Variants in STARD3 observed in about 807,000 individuals in gnomAD.
STARD3 encodes stAR-related lipid transfer protein 3.
STARD3 carries 39 observed loss-of-function variants against 62.0 expected under a neutral mutation model. The ratio of observed to expected loss-of-function variants is 0.63; its 90% CI spans 0.49 to 0.82. The LOEUF is 0.82. Among genes scored for constraint, STARD3 ranks in the 40% least tolerant of loss-of-function variants. The pLI, the probability that STARD3 is intolerant of heterozygous loss-of-function variation, is 0.00. For missense variants in STARD3, 543 were observed against 584.5 expected, an observed-to-expected ratio of 0.93 and a Z score of 0.73; for synonymous variants, 229 against 242.4, an observed-to-expected ratio of 0.94 and a Z score of 0.51.
rs1290345941 is a variant in STARD3, at chr17:39,658,511, A to C, written c.536A>C (p.Glu179Ala). The C allele has an allele frequency of 3.7e-6, 6 of 1,613,774 alleles. No individual in the cohort carries two copies. Among genetic ancestry groups the C allele is most frequent in the African/African-American group, 1.3e-5 (1 of 74,922 alleles). The change falls in exon 6 of 15, where the codon GAA becomes GCA. Residue 179 changes from glutamate to alanine, a missense_variant. Coordinates refer to ENST00000336308, the MANE Select transcript of STARD3 (RefSeq NM_006804.4). Reference sequence around the variant, plus strand: ...TTCAAAGTCCTACCCCAGGAAGCTGAAGAGGAGCGATGTGAGTGCTTGCGG... The same window carrying C: ...TTCAAAGTCCTACCCCAGGAAGCTGCAGAGGAGCGATGTGAGTGCTTGCGG... ...LDFKVLPQEA[E>A]EERWYLAAQV...
At chr17:39,638,674 A>G (rs1227459966) in intron 1 of STARD3, among the ~76,000 whole-genome samples, 2 of 152,244 alleles carry the variant, frequency 1.3e-5, no homozygotes, top group Non-Finnish European at 2.9e-5. Context: ...AGACTCCTGG[A>G]TCAGACTGCC....
At chr17:39,643,850 C>G (rs1189640337) in intron 1 of STARD3, among the ~76,000 whole-genome samples, 3 of 152,212 alleles carry the variant, frequency 2.0e-5, no homozygotes, top group Non-Finnish European at 2.9e-5. Flanking sequence ...CTCTTCTAGG[C>G]CATTGCATTG....
At chr17:39,658,322 G>T (rs2057154781) in intron 5 of STARD3, 83 bp from the exon 6 acceptor site, 1 of 1,302,888 alleles carries the variant, frequency 7.7e-7, no homozygotes, top group Non-Finnish European at 1.1e-6. Context: ...TGCCAGTTTG[G>T]CTGGCTAGAG....
rs147780109 is a variant in STARD3, at chr17:39,645,936, G to A, written c.-51-7545G>A. Among the ~76,000 whole-genome samples the A allele has an allele frequency of 4.2e-3, 458 of 109,964 alleles. 1 individual carries two copies. The highest frequency in any genetic ancestry group is 0.022 in the Middle Eastern group (2 of 90). 72.1% of individuals were successfully genotyped at this position (109,964 alleles called of 152,430 possible). ...AGATGGAGTCTCACTCTGTCACCCA[G>A]ACTGGAATGCAGTGGCGGGATCTTG... On this transcript the variant is annotated intron_variant, in intron 1 of 14. Coordinates refer to ENST00000336308, the MANE Select transcript of STARD3 (RefSeq NM_006804.4).
At chr17:39,657,655 C>T in intron 3 of STARD3, 120 bp from the exon 4 acceptor site, 3 of 1,011,530 alleles carry the variant, frequency 3.0e-6, no homozygotes, top group Non-Finnish European at 4.7e-6. Flanking sequence ...AGTCGTTGTC[C>T]CCTGAGGTGT....
At chr17:39,653,792 C>T in intron 2 of STARD3, 42 bp downstream of exon 2, 3 of 1,608,716 alleles carry the variant, frequency 1.9e-6, no homozygotes. Flanking sequence ...TGTTGCAGGC[C>T]ACCCGGGCCT....
intron 13 of STARD3, 87 bp downstream of exon 13, chr17:39,661,172 C>A: frequency 8.2e-7 from 1 of 1,223,964 alleles, no homozygotes; most frequent in Non-Finnish European, 1.2e-6. Flanking sequence ...TACAGCTGGG[C>A]ACTTCCCCTG....
chr17:39,648,097 A>G (rs1340889861), intron 1 of STARD3, among the ~76,000 whole-genome samples: 2 of 151,814 alleles, frequency 1.3e-5, no homozygotes, highest in Non-Finnish European at 2.9e-5. Context: ...CATCCTAGCT[A>G]ATACGGTGAA....
At chr17:39,656,815 T>G in intron 2 of STARD3, 193 bp from the exon 3 acceptor site, 1 of 587,134 alleles carries the variant, frequency 1.7e-6, no homozygotes, top group Non-Finnish European at 3.0e-6. Context: ...AGAGGACTGG[T>G]ATTGGTGCCT....
chr17:39,661,152 G>A (rs2145044904), intron 13 of STARD3, 67 bp downstream of exon 13: 1 of 1,390,922 alleles, frequency 7.2e-7, no homozygotes, highest in Non-Finnish European at 1.0e-6. Flanking sequence ...GCAGTGCAGG[G>A]TACAGCATGT....
At position 39,657,091 on chromosome 17, in the gene STARD3, T is replaced by C; in HGVS notation, c.297+6T>C. The C allele has an allele frequency of 6.2e-7, 1 of 1,613,854 alleles. No homozygotes were observed. Among genetic ancestry groups the C allele is most frequent in the Non-Finnish European group, 8.5e-7 (1 of 1,179,930 alleles). ...CTTCCTTCTTCGACATCTTTGTGAG[T>C]GGCCTTGGCTGATCCTGGGGACCCC... On this transcript the variant is annotated splice_donor_region_variant and intron_variant, in intron 3 of 14. Coordinates refer to ENST00000336308, the MANE Select transcript of STARD3 (RefSeq NM_006804.4).
At chr17:39,646,181 G>A (rs774631932) in intron 1 of STARD3, among the ~76,000 whole-genome samples, 3 of 152,016 alleles carry the variant, frequency 2.0e-5, no homozygotes, top group East Asian at 1.9e-4. Flanking sequence ...GTGAGCCACC[G>A]TGTCTGGCTT....
chr17:39,638,543 C>T (rs2056955558), intron 1 of STARD3, among the ~76,000 whole-genome samples: 1 of 152,198 alleles, frequency 6.6e-6, no homozygotes, highest in African/African-American at 2.4e-5. Flanking sequence ...CTCTTGTCTG[C>T]TGGGCTACCT....
In STARD3 at chr17:39,658,542, G is replaced by A; in HGVS notation, c.547+20G>A. On this transcript the variant is annotated intron_variant, in intron 6 of 14. Transcript: ENST00000336308. ...AGCGATGTGAGTGCTTGCGGGTAGGGGGGTGCAGCGAGGGTTACCCACAGC... is the reference window on the plus strand; with the variant it reads ...AGCGATGTGAGTGCTTGCGGGTAGGAGGGTGCAGCGAGGGTTACCCACAGC... The A allele has an allele frequency of 6.2e-7, 1 of 1,609,650 alleles. No individual in the cohort carries two copies. The highest frequency in any genetic ancestry group is 8.5e-7 in the Non-Finnish European group (1 of 1,176,856).
chr17:39,648,099 T>C (rs12103674), intron 1 of STARD3, among the ~76,000 whole-genome samples: 19,827 of 151,680 alleles, frequency 0.13, 2,062 homozygotes, highest in African/African-American at 0.29. Context: ...TCCTAGCTAA[T>C]ACGGTGAAAC....
In STARD3 at chr17:39,653,614, A is replaced by C; in HGVS notation, c.83A>C (p.His28Pro). ...GCCTCCCTGGGCTCCTCACTGTCCC[A>C]CAGCCAGAGCCTCTCCTCGCACCTC... ...AVASLGSSLS[H>P]SQSLSSHLLP... Residue 28 changes from histidine to proline, a missense_variant, in exon 2 of 15, where the codon CAC becomes CCC. Transcript: ENST00000336308. The C allele has an allele frequency of 6.2e-7, 1 of 1,613,230 alleles. No individual in the cohort carries two copies. The highest frequency in any genetic ancestry group is 8.5e-7 in the Non-Finnish European group (1 of 1,180,022).
intron 13 of STARD3, 156 bp downstream of exon 13, chr17:39,661,241 CTGCTAATCT>C: frequency 1.5e-6 from 1 of 657,202 alleles, no homozygotes; most frequent in Non-Finnish European, 2.6e-6. Context: ...GCTACTAATC[CTGCTAATCT>C]TGCTGCTCTG....
intron 1 of STARD3, among the ~76,000 whole-genome samples, chr17:39,646,884 T>TC (rs2057031247): frequency 1.3e-5 from 2 of 151,774 alleles, no homozygotes; most frequent in African/African-American, 2.4e-5. Context: ...CCCACCCGCT[T>TC]CCCCCTCTAA....
rs558297016 is a variant in STARD3 at position 39,662,986 on chromosome 17, G to A, written c.*78G>A. 1.4e-5 allele frequency: 20 copies of A among 1,404,634 alleles called. No homozygotes were observed. Among genetic ancestry groups the A allele is most frequent in the South Asian group, 9.1e-5 (7 of 77,338 alleles). 87.0% of individuals were successfully genotyped at this position (1,404,634 alleles called of 1,614,324 possible). A position where few individuals can be genotyped will look rare whatever the true frequency, so the allele number is the denominator to read the frequency against. On this transcript the variant is annotated 3_prime_UTR_variant, in exon 15 of 15. Coordinates refer to ENST00000336308, the MANE Select transcript of STARD3 (RefSeq NM_006804.4). ...GCCAGAAAGGGTGCCAGTTGGGCTC[G>A]CACTGCCCACATGGGACCTGGCCCC...
Sources: allele counts gnomAD v4.1 joint callset (sites outside exome capture counted in the v4.1 genomes callset), GRCh38; gene constraint gnomAD v4.1.1; transcripts MANE v1.5; gene names NCBI Gene and HGNC (gene_info 2026-07-23, HGNC 2026-07-21).